The following ATG3 variants were observed in gnomAD, a reference collection of about 807,000 sequenced individuals.
ATG3 encodes autophagy related 3, also known as ubiquitin-like-conjugating enzyme ATG3.
ATG3 carries 25 observed loss-of-function variants against 50.7 expected under a neutral mutation model. The observed-to-expected ratio is 0.49, with a 90% confidence interval of 0.36 to 0.69. The LOEUF is 0.69. ATG3 is among the 30% of genes least tolerant of loss of function. The pLI is 0.00. For synonymous variants in ATG3, 119 were observed against 125.5 expected (o/e 0.95, Z 0.34); for missense variants, 281 against 376.0 (o/e 0.75, Z 2.09).
At chr3:112,540,722 A>G (rs1284117984) in intron 7 of ATG3, among the ~76,000 whole-genome samples, 2 of 152,102 alleles carry the variant, frequency 1.3e-5, no homozygotes. Context: ...AGAGTCCAGG[A>G]AAGAGTAAGA....
At chr3:112,560,028 T>C (rs552065731) in intron 1 of ATG3, among the ~76,000 whole-genome samples, 2 of 152,228 alleles carry the variant, frequency 1.3e-5, no homozygotes, top group Non-Finnish European at 2.9e-5. Flanking sequence ...CTTTCCTTTT[T>C]ACTAAAGACA....
At chr3:112,536,693 G>A in intron 9 of ATG3, 91 bp from the exon 10 acceptor site, 1 of 1,390,066 alleles carries the variant, frequency 7.2e-7, no homozygotes, top group Non-Finnish European at 9.9e-7. Context: ...AGACTGAGGT[G>A]GGCGGATCAC....
chr3:112,540,152 T>C (rs1933187100), intron 7 of ATG3, among the ~76,000 whole-genome samples: 1 of 152,196 alleles, frequency 6.6e-6, no homozygotes, highest in Non-Finnish European at 1.5e-5. Flanking sequence ...AAGTAATTCA[T>C]TCAGATTTCC....
chr3:112,534,457 TTATA>T, intron 10 of ATG3, 120 bp from the exon 11 acceptor site: 3 of 626,810 alleles, frequency 4.8e-6, no homozygotes, highest in Non-Finnish European at 7.2e-6. Flanking sequence ...TTTTTAATAG[TTATA>T]TTATAAACTA....
intron 2 of ATG3, 103 bp from the exon 3 acceptor site, chr3:112,553,432 A>G: frequency 4.4e-6 from 4 of 899,518 alleles, no homozygotes; most frequent in Non-Finnish European, 7.3e-6. Flanking sequence ...ACTAGGTAAC[A>G]CTGAAATCCA....
chr3:112,550,089 T>G, intron 4 of ATG3, 103 bp downstream of exon 4: 5 of 721,646 alleles, frequency 6.9e-6, no homozygotes, highest in Non-Finnish European at 1.1e-5. Flanking sequence ...CAGAAAGAGG[T>G]GATAAAACTA....
chr3:112,561,383 G>A, intron 1 of ATG3, 74 bp downstream of exon 1: 1 of 1,486,330 alleles, frequency 6.7e-7, no homozygotes, highest in East Asian at 2.3e-5. Flanking sequence ...AGAAAGCGGG[G>A]ACTCCTGCGG....
At chr3:112,552,361 G>C (rs1933550412) in intron 3 of ATG3, among the ~76,000 whole-genome samples, 1 of 151,708 alleles carries the variant, frequency 6.6e-6, no homozygotes, top group Non-Finnish European at 1.5e-5. Context: ...TGTGAAAACT[G>C]CTAAATTGCT....
chr3:112,545,109 G>A (rs114304536), intron 5 of ATG3, among the ~76,000 whole-genome samples: 1,739 of 152,214 alleles, frequency 0.011, 27 homozygotes, highest in African/African-American at 0.036. Context: ...TTATGAGGAC[G>A]TTACAGTAAT....
intron 3 of ATG3, 62 bp downstream of exon 3, chr3:112,553,218 T>C (rs1448411237): frequency 7.0e-7 from 1 of 1,425,010 alleles, no homozygotes; most frequent in Non-Finnish European, 9.8e-7. Context: ...ATTTTGCAAA[T>C]TGCTATAATT....
intron 3 of ATG3, 110 bp downstream of exon 3, chr3:112,553,170 A>G: frequency 3.4e-6 from 3 of 878,328 alleles, no homozygotes; most frequent in Non-Finnish European, 5.5e-6. Flanking sequence ...GCTGGGGGGA[A>G]AGTTAAACTG....
At chr3:112,558,738 CTTTTT>C (rs879374413) in intron 1 of ATG3, among the ~76,000 whole-genome samples, 1 of 141,286 alleles carries the variant, frequency 7.1e-6, no homozygotes, top group South Asian at 2.3e-4. Context: ...TAGAAACATT[CTTTTT>C]TTTTTTTTTT....
chr3:112,549,646 T>C (rs1933472112), intron 4 of ATG3, among the ~76,000 whole-genome samples: 1 of 151,938 alleles, frequency 6.6e-6, no homozygotes, highest in African/African-American at 2.4e-5. Flanking sequence ...CTGTCTCTAC[T>C]AAAAATACAA....
intron 2 of ATG3, 115 bp downstream of exon 2, chr3:112,558,261 C>A: frequency 2.6e-6 from 2 of 754,784 alleles, no homozygotes; most frequent in Non-Finnish European, 2.2e-6. Flanking sequence ...GTCATAAAAC[C>A]TAATTTTACT....
chr3:112,556,289 C>G (rs538411546), intron 2 of ATG3, among the ~76,000 whole-genome samples: 4 of 152,182 alleles, frequency 2.6e-5, no homozygotes, highest in African/African-American at 9.7e-5. Flanking sequence ...AGGTGAGGGG[C>G]GCCTCTGCCT....
At chr3:112,552,651 T>A (rs1480856445) in intron 3 of ATG3, among the ~76,000 whole-genome samples, 4 of 147,490 alleles carry the variant, frequency 2.7e-5, no homozygotes, top group African/African-American at 7.4e-5. Context: ...GTTCAAAAAT[T>A]TTTTTTTTTT....
intron 9 of ATG3, chr3:112,536,828 G>A (rs1006733043): frequency 1.4e-5 from 4 of 278,780 alleles, no homozygotes; most frequent in Non-Finnish European, 2.7e-5. Flanking sequence ...GGCTGAGGCA[G>A]GAGAATGGCG....
At chr3:112,551,574 C>T (rs1313384459) in intron 3 of ATG3, among the ~76,000 whole-genome samples, 1 of 151,940 alleles carries the variant, frequency 6.6e-6, no homozygotes, top group Admixed American at 6.6e-5. Flanking sequence ...AAAAAGATCC[C>T]GTCCATATAT....
In ATG3 at chr3:112,534,341, G is replaced by T. The variant is rs764806780; in HGVS notation, c.795-4C>A. The stretch of plus-strand genomic sequence containing the variant: ...TTTCTTCATCACCTCAGCATGCCTA[G>T]AAGCCAAAAAAAAAAAAAATTGTTA... On this transcript the variant is annotated splice_polypyrimidine_tract_variant and splice_region_variant and intron_variant, in intron 10 of 11. Coordinates refer to ENST00000283290, the MANE Select transcript of ATG3 (RefSeq NM_022488.5). The T allele has an allele frequency of 7.6e-7, 1 of 1,309,934 alleles. No homozygotes were observed. The highest frequency in any genetic ancestry group is 9.7e-7 in the Non-Finnish European group (1 of 1,028,964). The allele number at this position is 1,309,934 out of a possible 1,614,324, so 81.1% of individuals were successfully genotyped here.
Sources: gnomAD v4.1 joint callset for allele counts (sites outside exome capture counted in the v4.1 genomes callset) on GRCh38, gnomAD v4.1.1 for gene constraint, MANE v1.5 for transcripts, NCBI Gene and HGNC (gene_info 2026-07-23, HGNC 2026-07-21) for gene names.